DPH6: variants seen among roughly 807,000 people sequenced by gnomAD.
DPH6 encodes the protein diphthamine biosynthesis 6, also known as diphthine--ammonia ligase.
Under a neutral mutation model 38.2 loss-of-function variants are expected in DPH6, and 33 were observed. The observed-to-expected ratio is 0.86, with a 90% CI of 0.65 to 1.15. DPH6 has a LOEUF of 1.15. Among genes scored for constraint, DPH6 ranks in the 50% most tolerant of loss-of-function variants. The probability of loss-of-function intolerance (pLI) is 0.00; values close to 1 mark genes in which losing one functional copy is unlikely to be tolerated. For missense variants in DPH6, 325 were observed against 320.0 expected (o/e 1.02, Z -0.12); for synonymous variants, 108 against 103.0 (o/e 1.05, Z -0.30).
At chr15:35,426,249 G>A (rs2053569758) in intron 5 of DPH6, among the ~76,000 whole-genome samples, 1 of 151,510 alleles carries the variant, frequency 6.6e-6, no homozygotes, top group Admixed American at 6.6e-5. Flanking sequence ...TTGCATAAAG[G>A]TAGAAATATA....
intron 3 of DPH6, among the ~76,000 whole-genome samples, chr15:35,534,620 C>T (rs531108308): frequency 6.6e-6 from 1 of 151,388 alleles, no homozygotes; most frequent in Non-Finnish European, 1.5e-5. Context: ...ACAGAACATA[C>T]AACAAAAAGA....
chr15:35,485,074 A>G (rs2054379525), intron 3 of DPH6, among the ~76,000 whole-genome samples: 1 of 152,338 alleles, frequency 6.6e-6, no homozygotes, highest in East Asian at 1.9e-4. Flanking sequence ...TGTTTAATTA[A>G]TGTAATTTAA....
the DPH6 span, among the ~76,000 whole-genome samples, chr15:35,163,648 G>A: frequency 6.6e-6 from 1 of 151,762 alleles, no homozygotes; most frequent in African/African-American, 2.4e-5. Context: ...AGAATAAAAG[G>A]GCAAGCACAA....
At chr15:35,451,879 G>T (rs7173096) in intron 4 of DPH6, among the ~76,000 whole-genome samples, 3,807 of 152,188 alleles carry the variant, frequency 0.025, 158 homozygotes, top group African/African-American at 0.085. Flanking sequence ...GCATGGTGGC[G>T]GGCGCCTGTG....
chr15:35,458,811 C>T (rs1462438436), intron 3 of DPH6, among the ~76,000 whole-genome samples: 1 of 152,174 alleles, frequency 6.6e-6, no homozygotes, highest in Admixed American at 6.5e-5. Flanking sequence ...CAATCAACTG[C>T]ATACAGTTAA....
At chr15:35,166,658 G>A in the DPH6 span, among the ~76,000 whole-genome samples, 1 of 152,108 alleles carries the variant, frequency 6.6e-6, no homozygotes, top group East Asian at 1.9e-4. Context: ...TGCTATTAGT[G>A]TAGTAAGAAT....
the DPH6 span, among the ~76,000 whole-genome samples, chr15:35,195,517 G>T: frequency 6.6e-6 from 1 of 152,128 alleles, no homozygotes. Flanking sequence ...GGAGACCAGA[G>T]AACTCATAGA....
intron 3 of DPH6, among the ~76,000 whole-genome samples, chr15:35,352,281 T>C (rs958568286): frequency 2.6e-5 from 4 of 152,148 alleles, no homozygotes; most frequent in African/African-American, 9.7e-5. Flanking sequence ...ATGAACTCCT[T>C]CAATTTTTTT....
chr15:35,359,807 TC>T lies in DPH6; in HGVS notation n.207+13713del, dbSNP rs1277611281. On this transcript the variant is annotated intron_variant and non_coding_transcript_variant, in intron 3 of 3. Transcript: ENST00000558973. Reference sequence around the variant, plus strand: ...TTTTTGGAGTCATCTTCTAAGTTTTTCAGTTCAGTCATTGTATTCTTCAGTT... The same window carrying T: ...TTTTTGGAGTCATCTTCTAAGTTTTTAGTTCAGTCATTGTATTCTTCAGTT... Among the ~76,000 whole-genome samples, 22 of 152,170 alleles carry T rather than the reference TC, an allele frequency of 1.4e-4. 1 individual carries two copies. Among genetic ancestry groups the T allele is most frequent in the African/African-American group, 5.3e-4 (22 of 41,446 alleles).
chr15:35,497,581 G>A (rs968121731), intron 3 of DPH6, among the ~76,000 whole-genome samples: 2 of 152,086 alleles, frequency 1.3e-5, no homozygotes, highest in Non-Finnish European at 2.9e-5. Flanking sequence ...TTCACGACAA[G>A]TAAAAATATA....
intron 5 of DPH6, among the ~76,000 whole-genome samples, chr15:35,421,811 G>C (rs1222211505): frequency 3.3e-5 from 5 of 152,032 alleles, no homozygotes; most frequent in African/African-American, 9.7e-5. Context: ...ACAAAACAAT[G>C]ATATGATCCA....
At chr15:35,158,229 A>G in the DPH6 span, among the ~76,000 whole-genome samples, 3 of 152,070 alleles carry the variant, frequency 2.0e-5, no homozygotes, top group Admixed American at 6.6e-5. Context: ...AGGGGAAAAA[A>G]GTGTGAGATT....
intron 3 of DPH6, chr15:35,237,514 A>G: frequency 6.4e-7 from 1 of 1,560,448 alleles, no homozygotes; most frequent in Non-Finnish European, 8.8e-7. Context: ...TACCGAAGTT[A>G]AACAAACTTA....
intron 3 of DPH6, among the ~76,000 whole-genome samples, chr15:35,246,652 T>C (rs1385579452): frequency 6.6e-6 from 1 of 152,148 alleles, no homozygotes; most frequent in Non-Finnish European, 1.5e-5. Flanking sequence ...GGGGGTAAAT[T>C]TTCAGTCCAG....
At chr15:35,179,424 T>C in the DPH6 span, among the ~76,000 whole-genome samples, 2 of 151,908 alleles carry the variant, frequency 1.3e-5, no homozygotes, top group African/African-American at 2.4e-5. Context: ...AATGAAAATA[T>C]CCAAAAAGAG....
chr15:35,343,341 C>G (rs978864302), intron 3 of DPH6, among the ~76,000 whole-genome samples: 1 of 152,018 alleles, frequency 6.6e-6, no homozygotes, highest in African/African-American at 2.4e-5. Flanking sequence ...TTTAAAATCC[C>G]TACTAAGCAA....
intron 3 of DPH6, among the ~76,000 whole-genome samples, chr15:35,491,852 CTATATG>C (rs1173005726): frequency 6.7e-6 from 1 of 150,324 alleles, no homozygotes; most frequent in African/African-American, 2.4e-5. Flanking sequence ...TACTATAAAT[CTATATG>C]TATATGTGTG....
the DPH6 span, among the ~76,000 whole-genome samples, chr15:35,199,810 A>G: frequency 1.3e-5 from 2 of 152,188 alleles, no homozygotes; most frequent in East Asian, 3.9e-4. Flanking sequence ...GTTGTCCTGG[A>G]AATAGGAGAG....
chr15:35,295,510 G>A (rs1011671429), intron 3 of DPH6, among the ~76,000 whole-genome samples: 3 of 152,006 alleles, frequency 2.0e-5, no homozygotes, highest in African/African-American at 7.3e-5. Flanking sequence ...ACCACTACCA[G>A]ACTACACCAC....
Sources: allele counts gnomAD v4.1 joint callset (sites outside exome capture counted in the v4.1 genomes callset), GRCh38; gene constraint gnomAD v4.1.1; transcripts MANE v1.5; gene names NCBI Gene and HGNC (gene_info 2026-07-23, HGNC 2026-07-21).